The following C3orf33 variants were observed in gnomAD, a reference collection of about 807,000 sequenced individuals.
The protein encoded by C3orf33 is mitochondrial inner membrane subdomain organizer 1.
C3orf33 carries 23 observed loss-of-function variants against 28.7 expected under a neutral mutation model. The ratio of observed to expected loss-of-function variants is 0.80; its 90% CI spans 0.58 to 1.13. The LOEUF (loss-of-function observed/expected upper bound fraction) is 1.13, where lower values mean the gene tolerates loss of function less well. Ranked by LOEUF, C3orf33 falls within the 50% of genes most tolerant of loss-of-function variation. The probability of loss-of-function intolerance (pLI) is 0.00; values close to 1 mark genes in which losing one functional copy is unlikely to be tolerated. For synonymous variants in C3orf33, 119 were observed against 120.5 expected, an observed-to-expected ratio of 0.99 and a Z score of 0.08; for missense variants, 327 against 353.4, an observed-to-expected ratio of 0.93 and a Z score of 0.60.
chr3:155,804,237 G>A (rs754799146), intron 1 of C3orf33: 20 of 373,590 alleles, frequency 5.4e-5, no homozygotes, highest in Non-Finnish European at 1.0e-4. Context: ...TCTGGGTTCT[G>A]TGATTGGATT....
intron 3 of C3orf33, among the ~76,000 whole-genome samples, chr3:155,774,324 A>G (rs1258058957): frequency 6.6e-6 from 1 of 152,192 alleles, no homozygotes; most frequent in Non-Finnish European, 1.5e-5. Context: ...GGGGTATAGC[A>G]AAGAAAGAGG....
chr3:155,776,742 C>T (rs997197954), intron 2 of C3orf33, among the ~76,000 whole-genome samples: 17 of 109,348 alleles, frequency 1.6e-4, no homozygotes, highest in Admixed American at 5.7e-4. Context: ...GGTGACAGAG[C>T]GAGAACCTGA....
In C3orf33 at chr3:155,802,518, AT is replaced by A. The variant is rs1560001984; in HGVS notation, c.174+13del. On this transcript the variant is annotated intron_variant, in intron 2 of 4. Coordinates refer to ENST00000340171, the MANE Select transcript of C3orf33 (RefSeq NM_001308229.2). The stretch of plus-strand genomic sequence containing the variant: ...TACGGCTTGTTGTAATGTCTTTTTC[AT>A]TTTTTAACTTACCAGTCGAATGCTT... The A allele has an allele frequency of 6.3e-7, 1 of 1,598,334 alleles. No individual in the cohort carries two copies. The highest frequency in any genetic ancestry group is 8.5e-7 in the Non-Finnish European group (1 of 1,171,754).
chr3:155,789,917 C>G (rs1751258276), intron 2 of C3orf33, among the ~76,000 whole-genome samples: 1 of 152,048 alleles, frequency 6.6e-6, no homozygotes, highest in South Asian at 2.1e-4. Flanking sequence ...AATCCCAGCA[C>G]TTTGGGAGGC....
At chr3:155,770,186 C>T (rs1750538009) in intron 3 of C3orf33, among the ~76,000 whole-genome samples, 1 of 152,198 alleles carries the variant, frequency 6.6e-6, no homozygotes, top group Non-Finnish European at 1.5e-5. Flanking sequence ...CTTTGCCTTG[C>T]TCACCCACCA....
intron 2 of C3orf33, among the ~76,000 whole-genome samples, chr3:155,796,675 G>A (rs947161456): frequency 6.6e-6 from 1 of 152,078 alleles, no homozygotes; most frequent in Admixed American, 6.6e-5. Flanking sequence ...ATTCTACAAG[G>A]CTAGTATTAC....
At chr3:155,778,990 G>A (rs999406538) in intron 2 of C3orf33, among the ~76,000 whole-genome samples, 12 of 152,118 alleles carry the variant, frequency 7.9e-5, no homozygotes, top group African/African-American at 2.7e-4. Context: ...GAACTAAATT[G>A]TAAAGACTCC....
chr3:155,769,487 A>G (rs1750514281), intron 3 of C3orf33, among the ~76,000 whole-genome samples: 1 of 129,200 alleles, frequency 7.7e-6, no homozygotes, highest in Non-Finnish European at 1.6e-5. Context: ...GACTGTTTCA[A>G]AAAAAAAAAA....
chr3:155,802,008 T>A (rs1577440795), intron 2 of C3orf33, among the ~76,000 whole-genome samples: 1 of 152,176 alleles, frequency 6.6e-6, no homozygotes, highest in Admixed American at 6.5e-5. Flanking sequence ...CGCCTCAGCC[T>A]CCTGAAGTGC....
intron 2 of C3orf33, among the ~76,000 whole-genome samples, chr3:155,785,123 AG>A (rs955217634): frequency 6.6e-6 from 1 of 151,998 alleles, no homozygotes; most frequent in African/African-American, 2.4e-5. Flanking sequence ...AAGTTACAAC[AG>A]AAAAAAAAGG....
chr3:155,765,333 T>C (rs1220416464), intron 4 of C3orf33, among the ~76,000 whole-genome samples: 2 of 152,192 alleles, frequency 1.3e-5, no homozygotes, highest in East Asian at 3.8e-4. Flanking sequence ...GTTCTGAAGA[T>C]AAGTAACATA....
intron 2 of C3orf33, among the ~76,000 whole-genome samples, chr3:155,793,815 AAAAAAAAAAAAACT>A (rs1485779558): frequency 4.2e-5 from 6 of 143,626 alleles, no homozygotes; most frequent in Non-Finnish European, 7.6e-5. Flanking sequence ...GACTCAAAAA[AAAAAAAAAAAAACT>A]AAAAAAACTA....
rs774674730 is a variant in C3orf33 at position 155,784,035 on chromosome 3, G to A, written c.175-8187C>T. Among the ~76,000 whole-genome samples, 11 of 151,460 alleles carry A rather than the reference G, an allele frequency of 7.3e-5. No individual in the cohort carries two copies. The East Asian group carries it at 7.8e-4, about 11-fold the overall frequency. On this transcript the variant is annotated intron_variant, in intron 2 of 4. Coordinates refer to ENST00000340171, the MANE Select transcript of C3orf33 (RefSeq NM_001308229.2). ...CAACCTCCGCCTCCCGGGTTCAACC[G>A]ATTCTCCTGCCTCAGCCTCCCAAGT...
At chr3:155,785,418 G>A (rs1255632431) in intron 2 of C3orf33, among the ~76,000 whole-genome samples, 2 of 152,126 alleles carry the variant, frequency 1.3e-5, no homozygotes, top group East Asian at 1.9e-4. Context: ...ATTCTCAAAT[G>A]TACATGGAAC....
At chr3:155,789,450 A>G (rs1297042604) in intron 2 of C3orf33, among the ~76,000 whole-genome samples, 1 of 152,180 alleles carries the variant, frequency 6.6e-6, no homozygotes, top group Non-Finnish European at 1.5e-5. Context: ...ACTACAAAAC[A>G]TTGCTAAAAG....
Position 155,771,095 on chromosome 3 carries a change from AGTGTGT to A in C3orf33, c.323-3432_323-3427del, listed in dbSNP as rs369176697. ...TGCTCTGCCACCCAGGCTGGAGGACAGTGTGTGTGTGTGTGTATGTGGTGTGTGGAG... is the reference window on the plus strand; with the variant it reads ...TGCTCTGCCACCCAGGCTGGAGGACAGTGTGTGTGTATGTGGTGTGTGGAG... On this transcript the variant is annotated intron_variant, in intron 3 of 4. Coordinates refer to ENST00000340171, the MANE Select transcript of C3orf33 (RefSeq NM_001308229.2). 7.8e-5 allele frequency among the ~76,000 whole-genome samples: 11 copies of A among 140,954 alleles called. No individual in the cohort carries two copies. The East Asian group carries it at 8.4e-4, about 11-fold the overall frequency. The allele number at this position is 140,954 out of a possible 152,430, so 92.5% of individuals were successfully genotyped here.
intron 2 of C3orf33, among the ~76,000 whole-genome samples, chr3:155,779,083 T>C (rs1342128591): frequency 1.3e-5 from 2 of 152,148 alleles, no homozygotes; most frequent in African/African-American, 4.8e-5. Flanking sequence ...TTTAGAGATT[T>C]TAGGGAACTG....
At chr3:155,798,867 T>A (rs1238717886) in intron 2 of C3orf33, among the ~76,000 whole-genome samples, 1 of 152,098 alleles carries the variant, frequency 6.6e-6, no homozygotes, top group Non-Finnish European at 1.5e-5. Context: ...GTGCAAACCA[T>A]CCATCTGACA....
intron 2 of C3orf33, among the ~76,000 whole-genome samples, chr3:155,779,348 G>A (rs112244892): frequency 0.019 from 2,933 of 152,244 alleles, 81 homozygotes; most frequent in African/African-American, 0.067. Flanking sequence ...AGGCTGGAGT[G>A]CAGTGGCATG....
Sources: gnomAD v4.1 joint callset for allele counts (sites outside exome capture counted in the v4.1 genomes callset) on GRCh38, gnomAD v4.1.1 for gene constraint, MANE v1.5 for transcripts, NCBI Gene and HGNC (gene_info 2026-07-23, HGNC 2026-07-21) for gene names.